The following CASK variants were observed in gnomAD, a reference collection of about 807,000 sequenced individuals.
The protein encoded by CASK is peripheral plasma membrane protein CASK.
Under a neutral mutation model 82.9 loss-of-function variants are expected in CASK, and 4 were observed. That is an observed-to-expected ratio of 0.05 (90% CI 0.02 to 0.11). The LOEUF (loss-of-function observed/expected upper bound fraction) is 0.11. Ranked by LOEUF, CASK falls within the 10% of genes least tolerant of loss-of-function variation. The pLI, the probability that CASK is intolerant of heterozygous loss-of-function variation, is 1.00. For synonymous variants in CASK, 259 were observed against 253.5 expected (o/e 1.02, Z -0.20); for missense variants, 358 against 720.9 (o/e 0.50, Z 5.76).
chrX:41,850,188 T>C (rs2071235527), intron 2 of CASK, among the ~76,000 whole-genome samples: 1 of 111,965 alleles, frequency 8.9e-6, no homozygotes, highest in South Asian at 3.7e-4. Context: ...CAAAAAAAAT[T>C]AATTTGTAAA....
At chrX:41,773,786 T>C (rs1425073694) in intron 3 of CASK, among the ~76,000 whole-genome samples, 1 of 110,905 alleles carries the variant, frequency 9.0e-6, no homozygotes, top group Non-Finnish European at 1.9e-5. Flanking sequence ...AAATATAGCA[T>C]AAAAGATAAA....
rs371698785 is a variant in CASK at position 41,796,641 on chromosome X, A to C, written c.173-9358T>G. Among the ~76,000 whole-genome samples the C allele has an allele frequency of 3.1e-4, 35 of 112,421 alleles. No individual in the cohort carries two copies. The South Asian group carries it at 0.012, about 39-fold the overall frequency. On this transcript the variant is annotated intron_variant, in intron 2 of 26. Coordinates refer to ENST00000378163, the MANE Select transcript of CASK (RefSeq NM_001367721.1). ...GGACACTAGTTAAGAAAAGTAAAAC[A>C]GAACCCATGTAGCTGTATGTGTGTG...
At chrX:41,596,445 A>C (rs2065823234) in intron 12 of CASK, among the ~76,000 whole-genome samples, 1 of 112,404 alleles carries the variant, frequency 8.9e-6, no homozygotes, top group Non-Finnish European at 1.9e-5. Flanking sequence ...CTAGAAGCTT[A>C]AATTCAAGTT....
chrX:41,618,908 G>T (rs1179715519), intron 11 of CASK, among the ~76,000 whole-genome samples: 1 of 100,245 alleles, frequency 1.0e-5, no homozygotes, highest in Non-Finnish European at 2.0e-5. Context: ...CTCACTGCAA[G>T]CTCCGCCTCC....
chrX:41,758,646 G>A (rs1379746954), intron 3 of CASK, among the ~76,000 whole-genome samples: 2 of 110,569 alleles, frequency 1.8e-5, no homozygotes, highest in Admixed American at 1.9e-4. Flanking sequence ...AGGTGGGTTT[G>A]GGGTTGGGAA....
chrX:41,896,007 G>A (rs1490612347), intron 1 of CASK, among the ~76,000 whole-genome samples: 1 of 111,610 alleles, frequency 9.0e-6, no homozygotes, highest in East Asian at 2.8e-4. Flanking sequence ...TCTCTGGAGA[G>A]GTTGAATCAG....
chrX:41,731,138 A>C (rs2068389333), intron 5 of CASK, among the ~76,000 whole-genome samples: 1 of 113,047 alleles, frequency 8.8e-6, no homozygotes, highest in Admixed American at 9.3e-5. Flanking sequence ...TACAACTTCC[A>C]GTCAGGTACA....
intron 8 of CASK, among the ~76,000 whole-genome samples, chrX:41,637,418 G>C (rs1202031244): frequency 5.6e-5 from 4 of 71,007 alleles, no homozygotes; most frequent in Non-Finnish European, 1.0e-4. Context: ...TTTGAGACAG[G>C]GTCTTCCTCT....
At chrX:41,748,104 C>T (rs992781334) in intron 3 of CASK, 10 of 111,593 alleles carry the variant, frequency 9.0e-5, no homozygotes, top group African/African-American at 3.3e-4. Context: ...AGGGTAAGCA[C>T]GATTCAACTT....
At chrX:41,585,931 G>A (rs769191599) in intron 14 of CASK, 9 of 110,547 alleles carry the variant, frequency 8.1e-5, no homozygotes, top group Non-Finnish European at 1.5e-4. Flanking sequence ...TGAGGCAGGA[G>A]GTAAGGTCAG....
chrX:41,921,685 C>A (rs1026106746), intron 1 of CASK, among the ~76,000 whole-genome samples: 1 of 110,435 alleles, frequency 9.1e-6, no homozygotes, highest in East Asian at 2.8e-4. Flanking sequence ...GCAAGCTCTA[C>A]CCACAATTTC....
rs372557420 is a variant in CASK at position 41,553,932 on chromosome X, C to G, written c.1843-17G>C. The G allele has an allele frequency of 3.6e-6, 4 of 1,125,798 alleles. No homozygotes were observed. Among genetic ancestry groups the G allele is most frequent in the Non-Finnish European group, 4.9e-6 (4 of 818,889 alleles). The allele number at this position is 1,125,798 out of a possible 1,213,427, so 92.8% of individuals were successfully genotyped here. On this transcript the variant is annotated splice_polypyrimidine_tract_variant and intron_variant, in intron 20 of 26. Coordinates refer to ENST00000378163, the MANE Select transcript of CASK (RefSeq NM_001367721.1). ...TACATAGATCTATAAAACAGGAGTT[C>G]GTAAGAAAGGATGCCATAGTGATGT...
At chrX:41,828,141 T>G (rs1002316289) in intron 2 of CASK, among the ~76,000 whole-genome samples, 2 of 111,912 alleles carry the variant, frequency 1.8e-5, no homozygotes, top group Admixed American at 1.9e-4. Flanking sequence ...AAGGTCACAT[T>G]GTACAGGACA....
At chrX:41,898,218 T>G (rs1362513807) in intron 1 of CASK, among the ~76,000 whole-genome samples, 1 of 111,733 alleles carries the variant, frequency 8.9e-6, no homozygotes, top group African/African-American at 3.2e-5. Context: ...TTTTAGTAAT[T>G]TGTCAATTTC....
In CASK at chrX:41,919,019, C is replaced by T. The variant is rs188730191; in HGVS notation, c.59+3911G>A. Among the ~76,000 whole-genome samples, 473 of 112,099 alleles carry T rather than the reference C, an allele frequency of 4.2e-3. 2 individuals are homozygous for T. The highest frequency in any genetic ancestry group is 0.013 in the African/African-American group (409 of 30,893). ...CTACTTTAAACTAATGCAGGCTCTT[C>T]GGACAATAATTGCTCTGAGGTTGAC... is the stretch of plus-strand genomic sequence containing the variant. On this transcript the variant is annotated intron_variant, in intron 1 of 26. Coordinates refer to ENST00000378163, the MANE Select transcript of CASK (RefSeq NM_001367721.1).
At chrX:41,584,765 T>A (rs1390066861) in intron 14 of CASK, 1 of 111,432 alleles carries the variant, frequency 9.0e-6, no homozygotes, top group Non-Finnish European at 1.9e-5. Context: ...TGGAGACCCC[T>A]GCTATAGAAG....
Position 41,518,030 on chromosome X carries a change from G to C in CASK, c.*2390C>G. 1 of 363,578 alleles carries C rather than the reference G, an allele frequency of 2.8e-6. No individual in the cohort carries two copies. The highest frequency in any genetic ancestry group is 4.8e-6 in the Non-Finnish European group (1 of 206,233). 30.0% of individuals were successfully genotyped at this position (363,578 alleles called of 1,213,427 possible). A position where few individuals can be genotyped will look rare whatever the true frequency, so the allele number is the denominator to read the frequency against. ...TTCTCAGAGGACGTATAAAGCCACTGAGGATGAGTGCTACAGTGCTTGTGA... is the reference window on the plus strand; with the variant it reads ...TTCTCAGAGGACGTATAAAGCCACTCAGGATGAGTGCTACAGTGCTTGTGA... On this transcript the variant is annotated 3_prime_UTR_variant, in exon 27 of 27. Transcript: ENST00000378163.
At chrX:41,631,416 G>A (rs918654762) in intron 9 of CASK, among the ~76,000 whole-genome samples, 2 of 111,451 alleles carry the variant, frequency 1.8e-5, no homozygotes, top group Admixed American at 1.9e-4. Flanking sequence ...AACAGAGTGA[G>A]ACCCTGTCTC....
chrX:41,823,423 C>T (rs755919330), intron 2 of CASK, among the ~76,000 whole-genome samples: 1 of 110,529 alleles, frequency 9.0e-6, no homozygotes, highest in Admixed American at 9.6e-5. Context: ...CCTCCACATG[C>T]CCCTGCATCT....
Sources: allele counts gnomAD v4.1 joint callset (sites outside exome capture counted in the v4.1 genomes callset), GRCh38; gene constraint gnomAD v4.1.1; transcripts MANE v1.5; gene names NCBI Gene and HGNC (gene_info 2026-07-23, HGNC 2026-07-21).